The following SLC25A25 variants were observed in gnomAD, a reference collection of about 807,000 sequenced individuals.
SLC25A25 encodes mitochondrial adenyl nucleotide antiporter SLC25A25.
A neutral mutation model predicts 57.7 loss-of-function variants in SLC25A25; 32 were observed. The observed-to-expected ratio is 0.55, with a 90% CI of 0.42 to 0.74. SLC25A25 has a LOEUF of 0.74. Ranked by LOEUF, SLC25A25 falls within the 30% of genes least tolerant of loss-of-function variation. The pLI is 0.00. For synonymous variants in SLC25A25, 306 were observed against 291.2 expected (o/e 1.05, Z -0.52); for missense variants, 556 against 701.3 (o/e 0.79, Z 2.34).
At chr9:128,070,302 G>T (rs1832877199) in intron 1 of SLC25A25, among the ~76,000 whole-genome samples, 1 of 151,548 alleles carries the variant, frequency 6.6e-6, no homozygotes, top group African/African-American at 2.4e-5. Context: ...GTTTCACCGT[G>T]TTAGCCAGGA....
intron 1 of SLC25A25, among the ~76,000 whole-genome samples, chr9:128,097,936 C>A (rs1833612328): frequency 6.6e-6 from 1 of 152,186 alleles, no homozygotes; most frequent in Non-Finnish European, 1.5e-5. Context: ...CCGTGTGTGG[C>A]CAGGGCAGCT....
intron 1 of SLC25A25, among the ~76,000 whole-genome samples, chr9:128,097,899 A>G (rs886109987): frequency 1.3e-5 from 2 of 152,214 alleles, no homozygotes; most frequent in Admixed American, 6.5e-5. Context: ...TCCCTGGAGC[A>G]GGAGCCAGCT....
Position 128,095,766 on chromosome 9 carries a change from C to T in SLC25A25, c.262-5330C>T, listed in dbSNP as rs563404706. ...TGGAGGTTGTAGTGAGCCAAGATCGCGCCACTGCACTCCAGCCTGGGCGAC... is the reference window on the plus strand; with the variant it reads ...TGGAGGTTGTAGTGAGCCAAGATCGTGCCACTGCACTCCAGCCTGGGCGAC... On this transcript the variant is annotated intron_variant, in intron 1 of 10. Coordinates refer to ENST00000373069, the MANE Select transcript of SLC25A25 (RefSeq NM_001330988.2). The surrounding 1 kb of genome is among the most constrained non-coding windows in gnomAD (Gnocchi z 4.4). Among the ~76,000 whole-genome samples, 2 of 152,080 alleles carry T rather than the reference C, an allele frequency of 1.3e-5. No individual in the cohort carries two copies. The highest frequency in any genetic ancestry group is 4.2e-4 in the South Asian group (2 of 4,814).
In SLC25A25 at chr9:128,099,670, C is replaced by T. The variant is rs932046979; in HGVS notation, c.262-1426C>T. ...CTGCATCTGTCCTACATTCCAGCCA[C>T]GCCCCTCACATTAGCCTTTTGATCG... On this transcript the variant is annotated intron_variant, in intron 1 of 10. Transcript: ENST00000373069. This position sits in a 1 kb window ranked among gnomAD's most constrained non-coding sequence, Gnocchi z 6.8. Among the ~76,000 whole-genome samples the T allele has an allele frequency of 2.6e-5, 4 of 152,240 alleles. No homozygotes were observed. Among genetic ancestry groups the T allele is most frequent in the East Asian group, 1.9e-4 (1 of 5,198 alleles).
At position 128,108,394 on chromosome 9, in the gene SLC25A25, A is replaced by AG. The variant is rs1834137387; in HGVS notation, c.*951dup. On this transcript the variant is annotated 3_prime_UTR_variant, in exon 11 of 11. Transcript: ENST00000373069. ...CTGTGCTTCCAGAGGAAGACGAGGGAGCAGGAGCTTGGCTGACTGCTCAGA... is the reference window on the plus strand; with the variant it reads ...CTGTGCTTCCAGAGGAAGACGAGGGAGGCAGGAGCTTGGCTGACTGCTCAGA... 2.5e-6 allele frequency: 1 copy of AG among 397,526 alleles called. No individual in the cohort carries two copies. The highest frequency in any genetic ancestry group is 4.4e-6 in the Non-Finnish European group (1 of 225,692). The allele number at this position is 397,526 out of a possible 1,614,324, so 24.6% of individuals were successfully genotyped here.
rs1000947184 is a variant in SLC25A25, at chr9:128,095,598, T to C, written c.262-5498T>C. The stretch of plus-strand genomic sequence containing the variant: ...AAAACCAAATGCCAATTGAAGTTTA[T>C]CCAATGAAGACATTCCATGAGACTC... On this transcript the variant is annotated intron_variant, in intron 1 of 10. Coordinates refer to ENST00000373069, the MANE Select transcript of SLC25A25 (RefSeq NM_001330988.2). The surrounding 1 kb of genome is among the most constrained non-coding windows in gnomAD (Gnocchi z 4.4). Among the ~76,000 whole-genome samples the C allele has an allele frequency of 9.9e-5, 15 of 152,190 alleles. No homozygotes were observed. Among genetic ancestry groups the C allele is most frequent in the African/African-American group, 3.4e-4 (14 of 41,428 alleles).
intron 1 of SLC25A25, among the ~76,000 whole-genome samples, chr9:128,087,692 C>T (rs1833308750): frequency 6.6e-6 from 1 of 152,172 alleles, no homozygotes; most frequent in Admixed American, 6.5e-5. Flanking sequence ...GGGTGTTAAC[C>T]TGTTTGGGTC....
chr9:128,090,578 A>T (rs1022308352), intron 1 of SLC25A25, among the ~76,000 whole-genome samples: 2 of 149,932 alleles, frequency 1.3e-5, no homozygotes, highest in Non-Finnish European at 3.0e-5. Flanking sequence ...TGGGAGGCCA[A>T]GGTGGATGGA....
chr9:128,068,238 C>T lies in SLC25A25; in HGVS notation c.-82C>T, dbSNP rs1832821179. The T allele has an allele frequency of 2.6e-6, 2 of 776,230 alleles. No individual in the cohort carries two copies. Among genetic ancestry groups the T allele is most frequent in the Non-Finnish European group, 3.5e-6 (2 of 576,026 alleles). 48.1% of individuals were successfully genotyped at this position (776,230 alleles called of 1,614,324 possible). Reference sequence around the variant, plus strand: ...CGAGCCCGCGCTCCCAGCTGCAGAGCGCCTGGCTTGCCTCCCGCGCGGTCA... The same window carrying T: ...CGAGCCCGCGCTCCCAGCTGCAGAGTGCCTGGCTTGCCTCCCGCGCGGTCA... On this transcript the variant is annotated 5_prime_UTR_variant, in exon 1 of 11. Coordinates refer to ENST00000373069, the MANE Select transcript of SLC25A25 (RefSeq NM_001330988.2).
rs746741415 is a variant in SLC25A25, at chr9:128,108,251, G to A, written c.*807G>A. On this transcript the variant is annotated 3_prime_UTR_variant, in exon 11 of 11. Coordinates refer to ENST00000373069, the MANE Select transcript of SLC25A25 (RefSeq NM_001330988.2). ...GCAGTGGAGCACCATGTTTGAGGGCGAAGGGCAGAGCGTTTGTGTGTTCTG... is the reference window on the plus strand; with the variant it reads ...GCAGTGGAGCACCATGTTTGAGGGCAAAGGGCAGAGCGTTTGTGTGTTCTG... The A allele has an allele frequency of 2.3e-5, 9 of 399,136 alleles. No individual in the cohort carries two copies. The highest frequency in any genetic ancestry group is 3.1e-5 in the Non-Finnish European group (7 of 226,188). 24.7% of individuals were successfully genotyped at this position (399,136 alleles called of 1,614,324 possible).
At chr9:128,096,458 G>A (rs1833560640) in intron 1 of SLC25A25, among the ~76,000 whole-genome samples, 2 of 152,148 alleles carry the variant, frequency 1.3e-5, no homozygotes, top group Middle Eastern at 3.4e-3. Context: ...GCAGTAAGCC[G>A]AGATCGTGCC....
intron 1 of SLC25A25, among the ~76,000 whole-genome samples, chr9:128,076,471 TTTA>T (rs1833017077): frequency 2.1e-5 from 2 of 93,914 alleles, no homozygotes; most frequent in African/African-American, 1.4e-4. Flanking sequence ...TATTTTTATT[TTTA>T]TTTTTTTTTG....
chr9:128,096,282 G>T (rs1833555059), intron 1 of SLC25A25, among the ~76,000 whole-genome samples: 1 of 152,196 alleles, frequency 6.6e-6, no homozygotes, highest in Admixed American at 6.5e-5. Context: ...GCCAAGGCAG[G>T]CAGATCACTT....
intron 1 of SLC25A25, among the ~76,000 whole-genome samples, chr9:128,084,432 G>T (rs557187318): frequency 1.3e-5 from 2 of 152,048 alleles, no homozygotes; most frequent in African/African-American, 4.8e-5. Flanking sequence ...CAAAGTGCTG[G>T]GATTACAGGC....
intron 1 of SLC25A25, among the ~76,000 whole-genome samples, chr9:128,073,171 A>G (rs937417902): frequency 1.3e-5 from 2 of 152,234 alleles, no homozygotes; most frequent in African/African-American, 4.8e-5. Flanking sequence ...TGGACCAGAG[A>G]AGGAATTGGA....
In SLC25A25 at chr9:128,106,359, A is replaced by G; in HGVS notation, c.1051A>G (p.Lys351Glu). Residue 351 changes from lysine (K) to glutamate (E), a missense_variant, in exon 9 of 11, where the codon AAG (lysine) becomes GAG (glutamate). Transcript: ENST00000373069. ...QSSIYPMEVL[K>E]TRMALRKTGQ... is the part of the protein sequence containing the mutation. Reference sequence around the variant, plus strand: ...CGCTGCTCCTGTTGTGCAGGTCCTGAAGACCCGGATGGCGCTGCGGAAGAC... The same window carrying G: ...CGCTGCTCCTGTTGTGCAGGTCCTGGAGACCCGGATGGCGCTGCGGAAGAC... 1.2e-6 allele frequency: 2 copies of G among 1,613,764 alleles called. No homozygotes were observed. The highest frequency in any genetic ancestry group is 8.5e-7 in the Non-Finnish European group (1 of 1,179,824).
rs1833787122 is a variant in SLC25A25, at chr9:128,101,342, T to C, written c.422T>C (p.Leu141Pro). The change falls in exon 3 of 11, where the codon CTG becomes CCG. Residue 141 changes from leucine to proline, a missense_variant. Around this residue, in one of 3 missense-constraint regions of SLC25A25, gnomAD observed 248 missense variants for 273.5 expected, o/e 0.91. Transcript: ENST00000373069. The surrounding 1 kb of genome is among the most constrained non-coding windows in gnomAD (Gnocchi z 4.9). The part of the protein sequence containing the change: ...RIDAQEIMQS[L>P]RDLGVKISEQ... ...GACGCGCAGGAGATCATGCAGTCCC[T>C]GCGGGACTTGGGAGTCAAGATATCT... is the stretch of plus-strand genomic sequence containing the variant. The C allele has an allele frequency of 6.2e-7, 1 of 1,614,254 alleles. No individual in the cohort carries two copies. The highest frequency in any genetic ancestry group is 1.3e-5 in the African/African-American group (1 of 75,078).
chr9:128,094,923 G>A (rs1833515922), intron 1 of SLC25A25, among the ~76,000 whole-genome samples: 1 of 152,208 alleles, frequency 6.6e-6, no homozygotes, highest in African/African-American at 2.4e-5. Flanking sequence ...TCATAGGAAT[G>A]GACATCGGAG....
At chr9:128,100,358 T>C (rs62585361) in intron 1 of SLC25A25, among the ~76,000 whole-genome samples, 1 of 151,970 alleles carries the variant, frequency 6.6e-6, no homozygotes, top group South Asian at 2.1e-4. Context: ...GGGGGGTTAC[T>C]TTTGGAACCT....
Sources: allele counts gnomAD v4.1 joint callset (sites outside exome capture counted in the v4.1 genomes callset), GRCh38; gene constraint gnomAD v4.1.1; regional missense constraint gnomAD v4.1.1; non-coding constraint Gnocchi (gnomAD v3.1); transcripts MANE v1.5; gene names NCBI Gene and HGNC (gene_info 2026-07-23, HGNC 2026-07-21).